TRHDE: variants seen among roughly 807,000 people sequenced by gnomAD.
TRHDE encodes thyrotropin releasing hormone degrading enzyme, also known as thyrotropin-releasing hormone-degrading ectoenzyme.
In TRHDE, 72 loss-of-function variants were observed where a neutral mutation model predicts 125.7. That is an observed-to-expected ratio of 0.57 (90% CI 0.47 to 0.70). The LOEUF is 0.70. Among genes scored for constraint, TRHDE ranks in the 30% least tolerant of loss-of-function variants. The pLI is 0.00. For synonymous variants in TRHDE, 509 were observed against 509.1 expected, an observed-to-expected ratio of 1.00 and a Z score of 0.00; for missense variants, 1,110 against 1,327.1, an observed-to-expected ratio of 0.84 and a Z score of 2.54.
chr12:72,134,975 T>G (rs376458926), intron 2 of TRHDE, among the ~76,000 whole-genome samples: 15 of 152,280 alleles, frequency 9.9e-5, no homozygotes, highest in African/African-American at 3.6e-4. Context: ...ATGTTTGCTC[T>G]GTTTTGGATA....
intron 2 of TRHDE, among the ~76,000 whole-genome samples, chr12:72,260,791 G>C (rs140660400): frequency 6.6e-6 from 1 of 152,272 alleles, no homozygotes; most frequent in South Asian, 2.1e-4. Context: ...CGAAATACGC[G>C]TATGAAGGAC....
At chr12:72,333,254 A>G (rs1289924314) in intron 2 of TRHDE, among the ~76,000 whole-genome samples, 1 of 152,246 alleles carries the variant, frequency 6.6e-6, no homozygotes, top group Non-Finnish European at 1.5e-5. Flanking sequence ...AGATTAAATC[A>G]GAAAATATAG....
chr12:72,657,226 G>A (rs144228714), intron 18 of TRHDE, among the ~76,000 whole-genome samples: 136 of 152,212 alleles, frequency 8.9e-4, no homozygotes, highest in African/African-American at 3.0e-3. Flanking sequence ...ATGTTTGAAT[G>A]TAGTAATTTT....
At chr12:72,240,141 G>A (rs1463187435) in intron 2 of TRHDE, among the ~76,000 whole-genome samples, 1 of 151,704 alleles carries the variant, frequency 6.6e-6, no homozygotes. Flanking sequence ...TTTTCTTAAA[G>A]TTTCTTTCAC....
intron 12 of TRHDE, among the ~76,000 whole-genome samples, chr12:72,593,498 G>C (rs1016433517): frequency 6.6e-6 from 1 of 151,326 alleles, no homozygotes; most frequent in African/African-American, 2.4e-5. Context: ...TTTTTTTTGA[G>C]AGGGAGTTTT....
rs1384270443 is a variant in TRHDE, at chr12:72,666,976, G to A, written c.*3781G>A. The A allele has an allele frequency of 1.3e-5, 2 of 151,828 alleles. No individual in the cohort carries two copies. The highest frequency in any genetic ancestry group is 3.9e-4 in the East Asian group (2 of 5,152). 9.4% of individuals were successfully genotyped at this position (151,828 alleles called of 1,614,324 possible). ...AACACAAATTTATCTGACAAATTCT[G>A]TCTATAGTAACAGATGGTCAGAATG... On this transcript the variant is annotated 3_prime_UTR_variant, in exon 19 of 19. Transcript: ENST00000261180.
chr12:72,592,881 T>G (rs1871751867), intron 12 of TRHDE, among the ~76,000 whole-genome samples: 1 of 151,964 alleles, frequency 6.6e-6, no homozygotes. Context: ...CGGCTAATTT[T>G]GTTGTATTTT....
intron 3 of TRHDE, among the ~76,000 whole-genome samples, chr12:72,447,967 G>A (rs1399976080): frequency 3.3e-5 from 5 of 151,840 alleles, no homozygotes; most frequent in Non-Finnish European, 4.4e-5. Flanking sequence ...TTTGTTTTTT[G>A]CTATATCCTC....
At chr12:72,118,164 C>T (rs1309327508) in intron 2 of TRHDE, among the ~76,000 whole-genome samples, 1 of 151,852 alleles carries the variant, frequency 6.6e-6, no homozygotes, top group Admixed American at 6.6e-5. Context: ...AAGATTTTCC[C>T]CATTCAATAT....
At chr12:72,244,570 TG>T in intron 2 of TRHDE, among the ~76,000 whole-genome samples, 1 of 152,170 alleles carries the variant, frequency 6.6e-6, no homozygotes, top group Non-Finnish European at 1.5e-5. Context: ...ATTTATGATT[TG>T]ATTGATTAAA....
chr12:72,202,697 A>G (rs549411829), intron 2 of TRHDE, among the ~76,000 whole-genome samples: 7 of 152,322 alleles, frequency 4.6e-5, no homozygotes, highest in Non-Finnish European at 1.0e-4. Context: ...ACTTGAAACC[A>G]TTATCTTCTC....
intron 15 of TRHDE, among the ~76,000 whole-genome samples, chr12:72,649,712 T>C (rs1466313649): frequency 6.6e-6 from 1 of 151,890 alleles, no homozygotes; most frequent in Non-Finnish European, 1.5e-5. Flanking sequence ...TTAATCCAAT[T>C]ACAAAAAGGG....
At chr12:72,179,314 G>A (rs1019041170) in intron 2 of TRHDE, among the ~76,000 whole-genome samples, 6 of 151,946 alleles carry the variant, frequency 3.9e-5, no homozygotes, top group African/African-American at 1.4e-4. Flanking sequence ...ATAAGCTATT[G>A]GCATGAGTTT....
intron 2 of TRHDE, among the ~76,000 whole-genome samples, chr12:72,307,690 T>C (rs1468085793): frequency 6.6e-6 from 1 of 152,172 alleles, no homozygotes; most frequent in Non-Finnish European, 1.5e-5. Flanking sequence ...CGAGAAATAC[T>C]CTGTTTTATG....
chr12:72,598,737 C>T (rs1872084016), intron 12 of TRHDE, among the ~76,000 whole-genome samples: 2 of 151,780 alleles, frequency 1.3e-5, no homozygotes, highest in African/African-American at 4.8e-5. Flanking sequence ...TAAATTTCAA[C>T]TTTTTTTTAG....
At chr12:72,153,975 T>C (rs1470786812) in intron 2 of TRHDE, among the ~76,000 whole-genome samples, 2 of 140,822 alleles carry the variant, frequency 1.4e-5, no homozygotes, top group Non-Finnish European at 3.1e-5. Context: ...CTCATTGATC[T>C]GTCTAATGTT....
intron 2 of TRHDE, among the ~76,000 whole-genome samples, chr12:72,123,600 T>C (rs1273856498): frequency 2.0e-5 from 3 of 152,138 alleles, no homozygotes; most frequent in Non-Finnish European, 4.4e-5. Flanking sequence ...TAATGAGATT[T>C]TTTATAATGT....
chr12:72,495,496 C>A (rs917150746), intron 5 of TRHDE, among the ~76,000 whole-genome samples: 9 of 152,044 alleles, frequency 5.9e-5, no homozygotes, highest in Non-Finnish European at 1.3e-4. Context: ...CCTTCAACAA[C>A]CCACTTTAAT....
At position 72,286,815 on chromosome 12, in the gene TRHDE, C is replaced by A. The variant is rs1366984157; in HGVS notation, c.1049C>A (p.Pro350Gln). Residue 350 changes from proline to glutamine, a missense_variant, in exon 2 of 19, where the codon CCA becomes CAA. Pro to Gln is a moderately conservative substitution (Grantham distance 76). Around this residue, in one of 5 missense-constraint regions of TRHDE, gnomAD observed 252 missense variants for 274.8 expected, o/e 0.92. Transcript: ENST00000261180. Reference protein sequence around the residue: ...QATYLSLSNMPVETSVFEEDG... With the variant: ...QATYLSLSNMQVETSVFEEDG... ...ACCTATTTATCTTTATCTAATATGC[C>A]AGTGGAAACTTCCGTGTTTGAGGAA... 5.0e-6 allele frequency: 8 copies of A among 1,613,710 alleles called. No homozygotes were observed. Among genetic ancestry groups the A allele is most frequent in the Non-Finnish European group, 6.8e-6 (8 of 1,179,952 alleles).
Sources: allele counts gnomAD v4.1 joint callset (sites outside exome capture counted in the v4.1 genomes callset), GRCh38; gene constraint gnomAD v4.1.1; regional missense constraint gnomAD v4.1.1; transcripts MANE v1.5; gene names NCBI Gene and HGNC (gene_info 2026-07-23, HGNC 2026-07-21).